Variants in LAMA2 observed in about 807,000 individuals in gnomAD.
LAMA2 encodes the protein laminin subunit alpha-2.
LAMA2 carries 269 observed loss-of-function variants against 364.8 expected under a neutral mutation model. That is an observed-to-expected ratio of 0.74 (90% CI 0.67 to 0.82). The LOEUF (loss-of-function observed/expected upper bound fraction) is 0.82. LAMA2 is among the 40% of genes least tolerant of loss of function. The pLI is 0.00. For synonymous variants in LAMA2, 1,379 were observed against 1,370.6 expected (o/e 1.01, Z -0.14); for missense variants, 3,807 against 3,873.2 (o/e 0.98, Z 0.45).
At chr6:128,892,539 G>C (rs1776523037) in intron 1 of LAMA2, among the ~76,000 whole-genome samples, 1 of 151,830 alleles carries the variant, frequency 6.6e-6, no homozygotes, top group African/African-American at 2.4e-5. Flanking sequence ...CTTCATAAAG[G>C]TTAGTTATTA....
intron 3 of LAMA2, among the ~76,000 whole-genome samples, chr6:129,065,470 C>T (rs1789230676): frequency 6.6e-6 from 1 of 152,126 alleles, no homozygotes; most frequent in Non-Finnish European, 1.5e-5. Flanking sequence ...GGTAAAGTGT[C>T]TCTTTTTGCA....
chr6:129,508,855 TG>T (rs1280540834), intron 62 of LAMA2, among the ~76,000 whole-genome samples: 1 of 152,190 alleles, frequency 6.6e-6, no homozygotes, highest in Admixed American at 6.6e-5. Context: ...AATATTCTTT[TG>T]GGTATATATC....
intron 24 of LAMA2, 136 bp from the exon 25 acceptor site, chr6:129,315,340 T>A: frequency 5.4e-6 from 4 of 737,866 alleles, no homozygotes; most frequent in Non-Finnish European, 9.2e-6. Flanking sequence ...GCCCACTGCG[T>A]GTGAGTTCTG....
intron 4 of LAMA2, among the ~76,000 whole-genome samples, chr6:129,127,706 T>A (rs987184845): frequency 2.0e-5 from 3 of 152,224 alleles, no homozygotes; most frequent in African/African-American, 7.2e-5. Flanking sequence ...TGATATTACC[T>A]ATTCTGACAG....
intron 1 of LAMA2, among the ~76,000 whole-genome samples, chr6:128,923,612 A>G (rs1778891383): frequency 6.6e-6 from 1 of 152,204 alleles, no homozygotes; most frequent in South Asian, 2.1e-4. Flanking sequence ...TATAGATAGT[A>G]GAATGATCAG....
chr6:129,166,505 C>G (rs1471236139), intron 9 of LAMA2, among the ~76,000 whole-genome samples: 8 of 152,132 alleles, frequency 5.3e-5, no homozygotes, highest in Admixed American at 5.2e-4. Flanking sequence ...GATTATCAAT[C>G]TGAGCATTAC....
chr6:129,285,840 A>G (rs1469965701), intron 18 of LAMA2, among the ~76,000 whole-genome samples: 1 of 152,134 alleles, frequency 6.6e-6, no homozygotes, highest in Non-Finnish European at 1.5e-5. Flanking sequence ...TTAACAAACA[A>G]TTATATCTGT....
chr6:129,352,241 A>G (rs1776890951), intron 31 of LAMA2, among the ~76,000 whole-genome samples: 1 of 152,246 alleles, frequency 6.6e-6, no homozygotes, highest in Non-Finnish European at 1.5e-5. Flanking sequence ...TGGCCCTGCT[A>G]GCATTGTGTA....
In LAMA2 at chr6:129,391,511, A is replaced by T. The variant is rs1779318396; in HGVS notation, c.5092A>T (p.Lys1698Ter). Residue 1698 changes from lysine to a stop codon, truncating the protein, a stop_gained, in exon 36 of 65, where the codon AAA becomes TAA. Coordinates refer to ENST00000421865, the MANE Select transcript of LAMA2 (RefSeq NM_000426.4). LOFTEE classifies it high-confidence loss of function. ...TGCAGCTGTAAATGAAAAAGCTATAAAACTAAATGAAACTCTAGGAACTCG... is the reference window on the plus strand; with the variant it reads ...TGCAGCTGTAAATGAAAAAGCTATATAACTAAATGAAACTCTAGGAACTCG... ...DAEAVNEKAI[K>*]LNETLGTRDE... 3 of 1,613,868 alleles carry T rather than the reference A, an allele frequency of 1.9e-6. No homozygotes were observed. Among genetic ancestry groups the T allele is most frequent in the Non-Finnish European group, 2.5e-6 (3 of 1,179,868 alleles).
intron 62 of LAMA2, 38 bp downstream of exon 62, chr6:129,507,680 T>A: frequency 6.3e-7 from 1 of 1,589,936 alleles, no homozygotes; most frequent in Non-Finnish European, 8.6e-7. Context: ...GATTATTAAC[T>A]AGATACAAAT....
intron 17 of LAMA2, among the ~76,000 whole-genome samples, chr6:129,275,829 A>G (rs1000085304): frequency 6.6e-6 from 1 of 152,034 alleles, no homozygotes; most frequent in African/African-American, 2.4e-5. Context: ...AGGGTTTATC[A>G]AATCAATCAT....
chr6:128,992,087 C>A (rs1464645334), intron 1 of LAMA2, among the ~76,000 whole-genome samples: 1 of 152,158 alleles, frequency 6.6e-6, no homozygotes, highest in Non-Finnish European at 1.5e-5. Flanking sequence ...ATAGATGTAG[C>A]ATTCACAGTT....
At position 129,507,532 on chromosome 6, in the gene LAMA2, CA is replaced by C. The variant is rs1345757357; in HGVS notation, c.8748del (p.Glu2917ArgfsTer48). ...GGCTGCGTCAGGAATCTCCACATGG[CA>C]GAGGCCCCTGCCGATCTGGAACAAC... ...IDGCVRNLHM[A>X]EAPADLEQPT... On this transcript the variant is annotated frameshift_variant, in exon 62 of 65. Transcript: ENST00000421865. LOFTEE classifies it high-confidence loss of function. The C allele has an allele frequency of 5.0e-6, 8 of 1,614,012 alleles. No homozygotes were observed. The highest frequency in any genetic ancestry group is 1.3e-5 in the African/African-American group (1 of 74,954).
intron 21 of LAMA2, among the ~76,000 whole-genome samples, chr6:129,299,319 G>T (rs919162126): frequency 2.0e-5 from 3 of 152,006 alleles, no homozygotes; most frequent in African/African-American, 4.8e-5. Flanking sequence ...GATAATAATA[G>T]TATCTACCAC....
chr6:129,411,398 G>T (rs1780531773), intron 40 of LAMA2, among the ~76,000 whole-genome samples: 4 of 152,234 alleles, frequency 2.6e-5, no homozygotes, highest in Admixed American at 2.6e-4. Flanking sequence ...ATAGTGGGAT[G>T]GTTAGTAAAG....
intron 29 of LAMA2, among the ~76,000 whole-genome samples, chr6:129,330,173 G>C (rs1562465825): frequency 6.6e-6 from 1 of 151,724 alleles, no homozygotes; most frequent in African/African-American, 2.4e-5. Flanking sequence ...ATATTACAAT[G>C]TAATAATAAT....
At chr6:129,418,021 C>T (rs1780887524) in intron 40 of LAMA2, among the ~76,000 whole-genome samples, 2 of 152,106 alleles carry the variant, frequency 1.3e-5, no homozygotes, top group Admixed American at 6.5e-5. Flanking sequence ...ACCTTCAACT[C>T]GGAAGGGGAC....
intron 34 of LAMA2, 62 bp downstream of exon 34, chr6:129,370,052 A>T: frequency 7.5e-7 from 1 of 1,334,152 alleles, no homozygotes; most frequent in Non-Finnish European, 1.1e-6. Context: ...AAGGAAAATT[A>T]CTTCAAAGTT....
intron 1 of LAMA2, among the ~76,000 whole-genome samples, chr6:129,013,756 CAT>C (rs1562919502): frequency 6.6e-6 from 1 of 151,838 alleles, no homozygotes; most frequent in Non-Finnish European, 1.5e-5. Flanking sequence ...AGCCAGTTCT[CAT>C]ATAGAGAATT....
Sources: allele counts gnomAD v4.1 joint callset (sites outside exome capture counted in the v4.1 genomes callset), GRCh38; gene constraint gnomAD v4.1.1; transcripts MANE v1.5; gene names NCBI Gene and HGNC (gene_info 2026-07-23, HGNC 2026-07-21).